TIAM1: variants seen among roughly 807,000 people sequenced by gnomAD.
TIAM1 encodes rho guanine nucleotide exchange factor TIAM1.
A neutral mutation model predicts 163.5 loss-of-function variants in TIAM1; 65 were observed. The ratio of observed to expected loss-of-function variants is 0.40; its 90% CI spans 0.33 to 0.49. The LOEUF (loss-of-function observed/expected upper bound fraction) is 0.49. TIAM1 is among the 20% of genes least tolerant of loss of function. The pLI, the probability that TIAM1 is intolerant of heterozygous loss-of-function variation, is 0.77. For missense variants in TIAM1, 1,789 were observed against 2,044.7 expected, an observed-to-expected ratio of 0.87 and a Z score of 2.41; for synonymous variants, 833 against 810.1, an observed-to-expected ratio of 1.03 and a Z score of -0.48.
intron 2 of TIAM1, among the ~76,000 whole-genome samples, chr21:31,335,869 C>A (rs1004174311): frequency 1.3e-5 from 2 of 152,136 alleles, no homozygotes; most frequent in Non-Finnish European, 2.9e-5. Flanking sequence ...CAGTTCAACT[C>A]CAGGGTCACT....
intron 2 of TIAM1, among the ~76,000 whole-genome samples, chr21:31,313,338 TTG>T: frequency 6.6e-6 from 1 of 152,130 alleles, no homozygotes; most frequent in Non-Finnish European, 1.5e-5. Context: ...GTTTAGCTCT[TTG>T]TGTGTTTTTT....
At chr21:31,297,487 T>A (rs976384254) in intron 2 of TIAM1, among the ~76,000 whole-genome samples, 1 of 152,156 alleles carries the variant, frequency 6.6e-6, no homozygotes, top group Non-Finnish European at 1.5e-5. Flanking sequence ...CTCCGTCTCT[T>A]GGGTTCAGGA....
chr21:31,263,950 C>T (rs1468272777), intron 4 of TIAM1, among the ~76,000 whole-genome samples: 12 of 152,120 alleles, frequency 7.9e-5, no homozygotes, highest in Admixed American at 7.9e-4. Context: ...AAGTAGCCCT[C>T]GCAGGGTAGA....
At chr21:31,178,894 G>A (rs1209821623) in intron 15 of TIAM1, among the ~76,000 whole-genome samples, 1 of 151,676 alleles carries the variant, frequency 6.6e-6, no homozygotes, top group East Asian at 2.0e-4. Flanking sequence ...TGGGATTACA[G>A]GCATGTGCCA....
chr21:31,465,000 ACT>A (rs992637613), intron 1 of TIAM1, among the ~76,000 whole-genome samples: 3 of 151,960 alleles, frequency 2.0e-5, no homozygotes, highest in African/African-American at 7.3e-5. Context: ...ACAGAGTGAG[ACT>A]CTGCCTAAAA....
At chr21:31,516,074 C>T (rs1332270205) in intron 1 of TIAM1, among the ~76,000 whole-genome samples, 2 of 145,472 alleles carry the variant, frequency 1.4e-5, no homozygotes, top group East Asian at 4.1e-4. Context: ...CGTCACCACA[C>T]TCCGGCATGG....
Position 31,266,983 on chromosome 21 carries a change from T to A in TIAM1, c.-11A>T, listed in dbSNP as rs1317245392. On this transcript the variant is annotated splice_region_variant and 5_prime_UTR_variant, in exon 4 of 28. Coordinates refer to ENST00000541036, the MANE Select transcript of TIAM1 (RefSeq NM_001353694.2). ...TTCTGCGTTTCCCATGGTTTTATGG[T>A]CTGCAGCAAAGCGGGGGGAAAGGGG... 6.3e-7 allele frequency: 1 copy of A among 1,589,418 alleles called. No individual in the cohort carries two copies. Among genetic ancestry groups the A allele is most frequent in the South Asian group, 1.1e-5 (1 of 88,026 alleles).
intron 2 of TIAM1, among the ~76,000 whole-genome samples, chr21:31,403,841 C>T (rs2077205533): frequency 6.6e-6 from 1 of 152,136 alleles, no homozygotes; most frequent in Non-Finnish European, 1.5e-5. Context: ...CCCTCAAAGA[C>T]TTCCTAGTCT....
chr21:31,134,405 C>G (rs982464235), intron 23 of TIAM1, among the ~76,000 whole-genome samples: 5 of 152,196 alleles, frequency 3.3e-5, no homozygotes, highest in South Asian at 2.1e-4. Flanking sequence ...TACTTCCCCC[C>G]TCCCCCAAAA....
intron 9 of TIAM1, among the ~76,000 whole-genome samples, chr21:31,215,568 G>GAAAAA (rs398040071): frequency 1.2e-3 from 91 of 75,466 alleles, no homozygotes; most frequent in South Asian, 1.5e-3. Flanking sequence ...TCTCAAAAAA[G>GAAAAA]AAAAAAAAAA....
chr21:31,512,129 C>T (rs2047229134), intron 1 of TIAM1, among the ~76,000 whole-genome samples: 1 of 152,190 alleles, frequency 6.6e-6, no homozygotes, highest in African/African-American at 2.4e-5. Context: ...TAGGGTCTCA[C>T]TCTGTTGCCC....
intron 2 of TIAM1, among the ~76,000 whole-genome samples, chr21:31,358,719 G>A (rs1208970987): frequency 6.6e-6 from 1 of 151,860 alleles, no homozygotes; most frequent in Non-Finnish European, 1.5e-5. Context: ...TATAATCCGA[G>A]CCACCATTCT....
At chr21:31,228,697 G>T (rs1397519288) in intron 6 of TIAM1, among the ~76,000 whole-genome samples, 1 of 152,218 alleles carries the variant, frequency 6.6e-6, no homozygotes, top group Non-Finnish European at 1.5e-5. Context: ...AGTATATACT[G>T]TAGGATTCTA....
chr21:31,231,209 C>T (rs555224132), intron 6 of TIAM1, among the ~76,000 whole-genome samples: 1 of 152,284 alleles, frequency 6.6e-6, no homozygotes, highest in Admixed American at 6.5e-5. Flanking sequence ...CTGGAGCCAG[C>T]CTCGATCATG....
At chr21:31,203,047 T>C (rs756653946) in intron 11 of TIAM1, 35 bp from the exon 12 acceptor site, 1 of 1,530,878 alleles carries the variant, frequency 6.5e-7, no homozygotes, top group Non-Finnish European at 9.0e-7. Context: ...AGAAAATGTC[T>C]GTTCAATAGT....
chr21:31,361,837 T>G (rs1003366825), intron 2 of TIAM1, among the ~76,000 whole-genome samples: 1 of 147,596 alleles, frequency 6.8e-6, no homozygotes, highest in Non-Finnish European at 1.5e-5. Context: ...GGAAGAAAGA[T>G]TAGATAGATA....
intron 14 of TIAM1, among the ~76,000 whole-genome samples, chr21:31,183,886 G>T (rs989890858): frequency 6.6e-6 from 1 of 151,014 alleles, no homozygotes; most frequent in Non-Finnish European, 1.5e-5. Flanking sequence ...GTAGGGACGG[G>T]GTTTCACCAT....
chr21:31,394,894 G>C (rs1303928611), intron 2 of TIAM1, among the ~76,000 whole-genome samples: 1 of 151,952 alleles, frequency 6.6e-6, no homozygotes, highest in East Asian at 1.9e-4. Context: ...TCCTTCCATA[G>C]TATAAAGTGA....
intron 11 of TIAM1, among the ~76,000 whole-genome samples, chr21:31,204,564 AT>A (rs1455882543): frequency 2.6e-5 from 4 of 152,210 alleles, no homozygotes; most frequent in Non-Finnish European, 5.9e-5. Context: ...TCCAATAACC[AT>A]TCCAGTAATA....
Sources: allele counts gnomAD v4.1 joint callset (sites outside exome capture counted in the v4.1 genomes callset), GRCh38; gene constraint gnomAD v4.1.1; transcripts MANE v1.5; gene names NCBI Gene and HGNC (gene_info 2026-07-23, HGNC 2026-07-21).